Variants in BTRC observed in about 807,000 individuals in gnomAD.
BTRC encodes F-box/WD repeat-containing protein 1A.
BTRC carries 42 observed loss-of-function variants against 85.5 expected under a neutral mutation model. That is an observed-to-expected ratio of 0.49 (90% CI 0.38 to 0.64). The LOEUF (loss-of-function observed/expected upper bound fraction) is 0.64. BTRC is among the 30% of genes least tolerant of loss of function. The pLI is 0.00. For synonymous variants in BTRC, 255 were observed against 263.3 expected, an observed-to-expected ratio of 0.97 and a Z score of 0.30; for missense variants, 594 against 743.5, an observed-to-expected ratio of 0.80 and a Z score of 2.34.
At chr10:101,374,314 T>G (rs1479523376) in intron 1 of BTRC, among the ~76,000 whole-genome samples, 1 of 152,100 alleles carries the variant, frequency 6.6e-6, no homozygotes, top group Non-Finnish European at 1.5e-5. Flanking sequence ...TGATGGCCAG[T>G]GATGATGAGC....
Position 101,377,203 on chromosome 10 carries a change from G to A in BTRC, c.48+22975G>A, listed in dbSNP as rs118051685. Among the ~76,000 whole-genome samples the A allele has an allele frequency of 8.0e-4, 122 of 152,278 alleles. 2 individuals are homozygous for A. The East Asian group carries it at 0.022, about 27-fold the overall frequency. On this transcript the variant is annotated intron_variant, in intron 1 of 14. Transcript: ENST00000370187. ...CGTTCAGCATAATGCCTTTGAGCTA[G>A]ATTAATCCATGTTTTTGCATGTATC... is the stretch of plus-strand genomic sequence containing the variant.
chr10:101,467,875 A>G (rs1220296877), intron 3 of BTRC, among the ~76,000 whole-genome samples: 1 of 152,208 alleles, frequency 6.6e-6, no homozygotes, highest in East Asian at 1.9e-4. Flanking sequence ...AAATAAATAA[A>G]TAAATTGTAC....
intron 4 of BTRC, among the ~76,000 whole-genome samples, chr10:101,486,481 G>A (rs1322907498): frequency 6.6e-6 from 1 of 151,672 alleles, no homozygotes; most frequent in Admixed American, 6.6e-5. Flanking sequence ...GGAACAGCAA[G>A]AAGGGCATAC....
At chr10:101,381,031 A>AGACCACTGTTGCATATCT (rs1340931158) in intron 1 of BTRC, among the ~76,000 whole-genome samples, 2 of 152,226 alleles carry the variant, frequency 1.3e-5, no homozygotes, top group African/African-American at 4.8e-5. Flanking sequence ...TAATTTTATG[A>AGACCACTGTTGCATATCT]GACCACTGTT....
In BTRC at chr10:101,554,936, T is replaced by A. The variant is rs2062706551; in HGVS notation, c.*1813T>A. The A allele has an allele frequency of 6.6e-6, 1 of 152,242 alleles. No individual in the cohort carries two copies. The highest frequency in any genetic ancestry group is 1.9e-4 in the East Asian group (1 of 5,202). The allele number at this position is 152,242 out of a possible 1,614,324, so 9.4% of individuals were successfully genotyped here. A position where few individuals can be genotyped will look rare whatever the true frequency, so the allele number is the denominator to read the frequency against. ...CATTTTATGCATATGCATTCTACCTTTCCTGCTTTATGAGTATTTTTAAGC... is the reference window on the plus strand; with the variant it reads ...CATTTTATGCATATGCATTCTACCTATCCTGCTTTATGAGTATTTTTAAGC... On this transcript the variant is annotated 3_prime_UTR_variant, in exon 15 of 15. Transcript: ENST00000370187.
At chr10:101,517,178 C>G (rs1292045170) in intron 4 of BTRC, among the ~76,000 whole-genome samples, 3 of 152,208 alleles carry the variant, frequency 2.0e-5, no homozygotes, top group Non-Finnish European at 4.4e-5. Flanking sequence ...GCAACAGTGG[C>G]ATTTATGCTA....
intron 1 of BTRC, among the ~76,000 whole-genome samples, chr10:101,366,930 ATATATATTTATATATATTT>A (rs1942439494): frequency 3.9e-4 from 6 of 15,500 alleles, no homozygotes; most frequent in African/African-American, 1.8e-3. Context: ...ATATATATTT[ATATATATTTATATATATTT>A]ATATATATAT....
intron 4 of BTRC, among the ~76,000 whole-genome samples, chr10:101,519,957 T>A (rs2062079495): frequency 6.6e-6 from 1 of 152,024 alleles, no homozygotes; most frequent in Non-Finnish European, 1.5e-5. Flanking sequence ...ATCACGCTAT[T>A]GCACTCCAGT....
chr10:101,532,848 C>A (rs1220470609), intron 8 of BTRC, 104 bp from the exon 9 acceptor site: 2 of 962,910 alleles, frequency 2.1e-6, no homozygotes, highest in Non-Finnish European at 3.3e-6. Context: ...CCACACTACT[C>A]TGGGCTTTGA....
At chr10:101,491,286 C>G (rs1356689708) in intron 4 of BTRC, among the ~76,000 whole-genome samples, 1 of 152,160 alleles carries the variant, frequency 6.6e-6, no homozygotes, top group Non-Finnish European at 1.5e-5. Context: ...TTTTGGAATA[C>G]AGATTTTATC....
intron 2 of BTRC, among the ~76,000 whole-genome samples, chr10:101,445,503 A>C (rs990700973): frequency 6.6e-6 from 1 of 152,224 alleles, no homozygotes; most frequent in Non-Finnish European, 1.5e-5. Context: ...GCGCAGGGAC[A>C]TAGTGATTGG....
chr10:101,398,342 T>C (rs547410725), intron 1 of BTRC, among the ~76,000 whole-genome samples: 2 of 152,250 alleles, frequency 1.3e-5, no homozygotes, highest in African/African-American at 4.8e-5. Flanking sequence ...GGACTCTTGC[T>C]CTGTCGCTGG....
intron 1 of BTRC, among the ~76,000 whole-genome samples, chr10:101,405,556 A>C (rs1247883610): frequency 6.6e-6 from 1 of 152,230 alleles, no homozygotes; most frequent in East Asian, 1.9e-4. Flanking sequence ...GCAGCAGTCC[A>C]GGCTGGTGGA....
intron 4 of BTRC, among the ~76,000 whole-genome samples, chr10:101,504,245 G>A (rs572423858): frequency 2.6e-5 from 4 of 152,210 alleles, no homozygotes; most frequent in South Asian, 4.1e-4. Context: ...GAAACATTAA[G>A]TAGTGGTTTT....
intron 4 of BTRC, among the ~76,000 whole-genome samples, chr10:101,506,649 T>C (rs984999547): frequency 6.6e-6 from 1 of 152,198 alleles, no homozygotes; most frequent in Non-Finnish European, 1.5e-5. Flanking sequence ...AATTCCAAGC[T>C]CAGATTCAAA....
intron 14 of BTRC, among the ~76,000 whole-genome samples, chr10:101,552,559 A>G (rs1164919960): frequency 1.3e-5 from 2 of 151,992 alleles, no homozygotes; most frequent in African/African-American, 4.8e-5. Flanking sequence ...CCAAGGCTTC[A>G]GATCTCATCT....
intron 1 of BTRC, among the ~76,000 whole-genome samples, chr10:101,357,489 A>G (rs1942075624): frequency 6.6e-6 from 1 of 151,622 alleles, no homozygotes; most frequent in Non-Finnish European, 1.5e-5. Flanking sequence ...GCATCAAATA[A>G]TTAGTGCACA....
intron 1 of BTRC, among the ~76,000 whole-genome samples, chr10:101,368,464 C>CTTTTTTTT (rs60190021): frequency 9.3e-5 from 7 of 75,344 alleles, no homozygotes; most frequent in African/African-American, 3.2e-4. Flanking sequence ...AACTGTTTTT[C>CTTTTTTTT]TTTTTTTTTT....
chr10:101,453,111 T>C (rs1466932005), intron 2 of BTRC, among the ~76,000 whole-genome samples: 1 of 152,194 alleles, frequency 6.6e-6, no homozygotes, highest in Non-Finnish European at 1.5e-5. Context: ...TTTTTGTAAA[T>C]TGTAAATTTA....
Sources: gnomAD v4.1 joint callset for allele counts (sites outside exome capture counted in the v4.1 genomes callset) on GRCh38, gnomAD v4.1.1 for gene constraint, MANE v1.5 for transcripts, NCBI Gene and HGNC (gene_info 2026-07-23, HGNC 2026-07-21) for gene names.